The following TIPIN variants were observed in gnomAD, a reference collection of about 807,000 sequenced individuals.
The protein encoded by TIPIN is TIMELESS-interacting protein.
Under a neutral mutation model 35.6 loss-of-function variants are expected in TIPIN, and 29 were observed. The observed-to-expected ratio is 0.82, with a 90% CI of 0.61 to 1.11. The LOEUF (loss-of-function observed/expected upper bound fraction) is 1.11, where lower values mean the gene tolerates loss of function less well. TIPIN is among the 50% of genes most tolerant of loss of function. TIPIN has a pLI of 0.00. For missense variants in TIPIN, 296 were observed against 345.4 expected (o/e 0.86, Z 1.13); for synonymous variants, 102 against 121.5 (o/e 0.84, Z 1.06).
chr15:66,358,937 G>A (rs1290430267), upstream of TIPIN, among the ~76,000 whole-genome samples: 5 of 151,876 alleles, frequency 3.3e-5, no homozygotes, highest in Admixed American at 6.6e-5. Context: ...CTAGCTACTC[G>A]GGAGGCTGAG....
upstream of TIPIN, among the ~76,000 whole-genome samples, chr15:66,358,837 A>AG (rs2140475812): frequency 6.6e-6 from 1 of 152,226 alleles, no homozygotes; most frequent in East Asian, 1.9e-4. Context: ...TGAGGTCAGG[A>AG]ATTCGAGACC....
intron 1 of TIPIN, among the ~76,000 whole-genome samples, chr15:66,380,498 G>GT (rs954900326): frequency 2.0e-5 from 3 of 151,796 alleles, no homozygotes; most frequent in Admixed American, 1.3e-4. Flanking sequence ...TAGACGTTAC[G>GT]TTTTTTCTGT....
chr15:66,344,230 C>T (rs958345709), intron 6 of TIPIN, among the ~76,000 whole-genome samples: 3 of 152,050 alleles, frequency 2.0e-5, no homozygotes, highest in Non-Finnish European at 4.4e-5. Context: ...TTCTAAATAG[C>T]TGGGACTATA....
At position 66,336,924 on chromosome 15, in the gene TIPIN, T is replaced by C. The variant is rs1177373714; in HGVS notation, c.*34A>G. ...TAGTAACGCCAAGCTTGCAGGACGA[T>C]GACTTAACAGATACATTTTCTCTTA... is the stretch of plus-strand genomic sequence containing the variant. On this transcript the variant is annotated 3_prime_UTR_variant, in exon 8 of 8. Coordinates refer to ENST00000261881, the MANE Select transcript of TIPIN (RefSeq NM_017858.3). The C allele has an allele frequency of 6.3e-7, 1 of 1,583,982 alleles. No homozygotes were observed.
At chr15:66,353,042 TTCAA>T in intron 1 of TIPIN, 87 bp from the exon 2 acceptor site, 1 of 1,329,458 alleles carries the variant, frequency 7.5e-7, no homozygotes, top group Non-Finnish European at 1.0e-6. Flanking sequence ...TTTCATGTGT[TTCAA>T]TCAGTTAGAC....
intron 6 of TIPIN, among the ~76,000 whole-genome samples, chr15:66,348,009 T>TTC (rs1491558456): frequency 0.097 from 34 of 352 alleles, 1 homozygote; most frequent in Admixed American, 0.25. Context: ...TCTTTCTTTC[T>TTC]TTTTTTTTTT....
At chr15:66,340,170 C>CTTTTTTTTTTTTTTTTTTT (rs1566970488) in intron 7 of TIPIN, among the ~76,000 whole-genome samples, 1 of 113,886 alleles carries the variant, frequency 8.8e-6, no homozygotes, top group African/African-American at 3.6e-5. Context: ...CTGCGCCTGG[C>CTTTTTTTTTTTTTTTTTTT]CTTTTTTTTT....
upstream of TIPIN, chr15:66,356,756 T>C (rs563034278): frequency 6.5e-5 from 64 of 984,358 alleles, no homozygotes; most frequent in African/African-American, 1.0e-3. Context: ...GCCAAATCCG[T>C]GCGGGGGGCT....
chr15:66,359,176 C>T (rs71409153), upstream of TIPIN, among the ~76,000 whole-genome samples: 1 of 51,578 alleles, frequency 1.9e-5, no homozygotes, highest in Non-Finnish European at 3.9e-5. Flanking sequence ...CACACACAGA[C>T]ACACACACAC....
At chr15:66,349,932 A>G (rs1219526409) in intron 4 of TIPIN, among the ~76,000 whole-genome samples, 1 of 150,242 alleles carries the variant, frequency 6.7e-6, no homozygotes, top group Non-Finnish European at 1.5e-5. Flanking sequence ...CTAAAAGAGC[A>G]CTGGATACAG....
intron 1 of TIPIN, among the ~76,000 whole-genome samples, chr15:66,353,453 A>G (rs1053357771): frequency 2.6e-5 from 4 of 151,940 alleles, no homozygotes; most frequent in African/African-American, 9.7e-5. Context: ...CGTCTCTACT[A>G]AAAATACAAA....
At chr15:66,375,611 G>C (rs1226379555) in intron 1 of TIPIN, among the ~76,000 whole-genome samples, 4 of 150,234 alleles carry the variant, frequency 2.7e-5, no homozygotes, top group African/African-American at 9.7e-5. Flanking sequence ...GGCCAAGACT[G>C]GTGGATCACT....
intron 1 of TIPIN, among the ~76,000 whole-genome samples, chr15:66,377,182 T>C (rs748983167): frequency 2.6e-5 from 4 of 151,402 alleles, no homozygotes; most frequent in African/African-American, 2.4e-5. Flanking sequence ...TTTTCTCCCA[T>C]ATGTTCAATA....
chr15:66,360,880 C>T (rs1267871559), upstream of TIPIN, among the ~76,000 whole-genome samples: 1 of 152,150 alleles, frequency 6.6e-6, no homozygotes, highest in Non-Finnish European at 1.5e-5. Flanking sequence ...GCTGGAGAAT[C>T]GCTTGAACCC....
At chr15:66,343,505 C>T (rs1028493498) in intron 6 of TIPIN, among the ~76,000 whole-genome samples, 1 of 152,066 alleles carries the variant, frequency 6.6e-6, no homozygotes, top group African/African-American at 2.4e-5. Context: ...ATTTAAAAAT[C>T]ATGATACTTA....
chr15:66,358,496 C>T (rs1042934791), upstream of TIPIN, among the ~76,000 whole-genome samples: 8 of 150,824 alleles, frequency 5.3e-5, no homozygotes, highest in Non-Finnish European at 8.8e-5. Context: ...TGCAGTGGTG[C>T]GATCACAGCT....
chr15:66,352,914 G>A lies in TIPIN; in HGVS notation c.34C>T (p.Leu12=), dbSNP rs2093178310. 1.9e-6 allele frequency: 3 copies of A among 1,613,920 alleles called. No individual in the cohort carries two copies. Among genetic ancestry groups the A allele is most frequent in the South Asian group, 2.2e-5 (2 of 91,070 alleles). The part of the protein sequence containing the change: ...LEPQENGVID[L]PDYEHVEDET... ...TCTTCTACATGCTCATAATCTGGTA[G>A]GTCAATCACGCCATTCTCCTGTGGT... is the stretch of plus-strand genomic sequence containing the variant. Residue 12 remains leucine, a synonymous_variant, in exon 2 of 8, where the codon CTA becomes TTA. Coordinates refer to ENST00000261881, the MANE Select transcript of TIPIN (RefSeq NM_017858.3).
At chr15:66,379,679 G>A in intron 1 of TIPIN, 1 of 1,611,436 alleles carries the variant, frequency 6.2e-7, no homozygotes, top group Non-Finnish European at 8.5e-7. Context: ...CCTTGATCAT[G>A]TTCTGTACAT....
At chr15:66,351,640 T>TG in intron 3 of TIPIN, 40 bp from the exon 4 acceptor site, 1 of 1,325,896 alleles carries the variant, frequency 7.5e-7, no homozygotes, top group Non-Finnish European at 1.0e-6. Context: ...AGTTTTATTT[T>TG]CTTTTTTTTT....
Sources: allele counts gnomAD v4.1 joint callset (sites outside exome capture counted in the v4.1 genomes callset), GRCh38; gene constraint gnomAD v4.1.1; transcripts MANE v1.5; gene names NCBI Gene and HGNC (gene_info 2026-07-23, HGNC 2026-07-21).